Variants in TNFRSF19 observed in about 807,000 individuals in gnomAD.
TNFRSF19 encodes the protein TNF receptor superfamily member 19, also known as tumor necrosis factor receptor superfamily member 19.
Under a neutral mutation model 46.4 loss-of-function variants are expected in TNFRSF19, and 27 were observed. That is an observed-to-expected ratio of 0.58 (90% CI 0.43 to 0.80). The LOEUF (loss-of-function observed/expected upper bound fraction) is 0.80. TNFRSF19 is among the 30% of genes least tolerant of loss of function. The pLI, the probability that TNFRSF19 is intolerant of heterozygous loss-of-function variation, is 0.00. For synonymous variants in TNFRSF19, 204 were observed against 205.0 expected (o/e 1.00, Z 0.04); for missense variants, 511 against 530.8 (o/e 0.96, Z 0.37).
chr13:23,608,844 C>T (rs141743375), intron 3 of TNFRSF19, among the ~76,000 whole-genome samples: 157 of 152,328 alleles, frequency 1.0e-3, no homozygotes, highest in Non-Finnish European at 1.7e-3. Context: ...ATTGACCTAA[C>T]GCACATGCAC....
intron 1 of TNFRSF19, among the ~76,000 whole-genome samples, chr13:23,582,283 C>T (rs1377749321): frequency 1.3e-5 from 2 of 151,184 alleles, no homozygotes; most frequent in African/African-American, 4.9e-5. Flanking sequence ...CGCCTGTAGT[C>T]CCAGCTACTC....
chr13:23,632,488 C>T (rs772516084), intron 5 of TNFRSF19, among the ~76,000 whole-genome samples: 191 of 152,290 alleles, frequency 1.3e-3, no homozygotes, highest in Non-Finnish European at 2.3e-3. Context: ...GGATTCCCTC[C>T]ATTGTTCACC....
chr13:23,661,431 C>G (rs1345923274), intron 7 of TNFRSF19, among the ~76,000 whole-genome samples: 1 of 152,160 alleles, frequency 6.6e-6, no homozygotes, highest in African/African-American at 2.4e-5. Context: ...TTTTCTTTAT[C>G]CAGTCTGTAA....
At chr13:23,646,655 G>A (rs1027684132) in intron 5 of TNFRSF19, among the ~76,000 whole-genome samples, 1 of 152,192 alleles carries the variant, frequency 6.6e-6, no homozygotes, top group Non-Finnish European at 1.5e-5. Context: ...TCCACTGTAT[G>A]TCTATGCCAC....
At chr13:23,614,806 C>T (rs1036875402) in intron 3 of TNFRSF19, among the ~76,000 whole-genome samples, 3 of 145,788 alleles carry the variant, frequency 2.1e-5, no homozygotes, top group African/African-American at 5.1e-5. Flanking sequence ...GGTTATGAAG[C>T]CTGACTCTGG....
rs565037448 is a variant in TNFRSF19 at position 23,633,592 on chromosome 13, T to TA, written c.445+6802dup. Among the ~76,000 whole-genome samples the TA allele has an allele frequency of 1.1e-4, 17 of 152,218 alleles. No individual in the cohort carries two copies. The South Asian group carries it at 3.1e-3, about 28-fold the overall frequency. On this transcript the variant is annotated intron_variant, in intron 5 of 9. Transcript: ENST00000248484. ...GGCTGGGCATGGTGGCTCATGCCTGTAATCCCAGCACTTTGGGTGGCCAAG... is the reference window on the plus strand; with the variant it reads ...GGCTGGGCATGGTGGCTCATGCCTGTAAATCCCAGCACTTTGGGTGGCCAAG...
At chr13:23,660,306 G>A in intron 6 of TNFRSF19, 59 bp from the exon 7 acceptor site, 4 of 1,525,764 alleles carry the variant, frequency 2.6e-6, no homozygotes, top group East Asian at 2.4e-5. Flanking sequence ...AGCTAGAATG[G>A]CACAGGTCCA....
intron 9 of TNFRSF19, among the ~76,000 whole-genome samples, chr13:23,671,539 T>A (rs1951762121): frequency 6.6e-6 from 1 of 152,058 alleles, no homozygotes; most frequent in Admixed American, 6.6e-5. Context: ...CACTTACTAA[T>A]CTGTGAAATG....
chr13:23,575,290 G>C lies in TNFRSF19; in HGVS notation c.-35+4442G>C, dbSNP rs1877881969. On this transcript the variant is annotated intron_variant, in intron 1 of 9. Coordinates refer to ENST00000248484, the MANE Select transcript of TNFRSF19 (RefSeq NM_148957.4). ...AAGTGCTGCAACTTGTAACAACTTT[G>C]CTCTGTAAGTGTCTTGAGCTCCACT... Among the ~76,000 whole-genome samples the C allele has an allele frequency of 2.0e-5, 3 of 152,214 alleles. No homozygotes were observed. In the South Asian group the frequency reaches 6.2e-4, roughly 31 times the overall value.
intron 1 of TNFRSF19, among the ~76,000 whole-genome samples, chr13:23,582,846 T>C (rs1018553667): frequency 6.6e-6 from 1 of 152,230 alleles, no homozygotes; most frequent in Non-Finnish European, 1.5e-5. Flanking sequence ...CTGGCTTCTT[T>C]CACTCACAAT....
chr13:23,593,769 T>C (rs985212654), intron 3 of TNFRSF19, among the ~76,000 whole-genome samples: 3 of 152,186 alleles, frequency 2.0e-5, no homozygotes, highest in African/African-American at 7.2e-5. Context: ...CAACTGAAAT[T>C]CCACTGAAGA....
At chr13:23,590,097 G>C in intron 1 of TNFRSF19, 53 bp from the exon 2 acceptor site, 1 of 837,606 alleles carries the variant, frequency 1.2e-6, no homozygotes, top group Non-Finnish European at 1.9e-6. Flanking sequence ...AGTAAACAAA[G>C]CACAGTCACT....
intron 5 of TNFRSF19, among the ~76,000 whole-genome samples, chr13:23,637,788 G>A (rs1024999566): frequency 6.6e-6 from 1 of 152,256 alleles, no homozygotes; most frequent in African/African-American, 2.4e-5. Context: ...GACAGGGAAG[G>A]CAGCCTCACA....
At chr13:23,613,347 G>A (rs1436091427) in intron 3 of TNFRSF19, among the ~76,000 whole-genome samples, 1 of 152,188 alleles carries the variant, frequency 6.6e-6, no homozygotes, top group Non-Finnish European at 1.5e-5. Flanking sequence ...ACTGAGGATC[G>A]GAGAATTCCC....
intron 3 of TNFRSF19, among the ~76,000 whole-genome samples, chr13:23,611,380 C>T (rs1035737667): frequency 2.6e-5 from 4 of 152,098 alleles, no homozygotes; most frequent in South Asian, 4.1e-4. Flanking sequence ...GAAGAGGAAC[C>T]GTCAGAGGTG....
At chr13:23,578,836 G>A (rs572027449) in intron 1 of TNFRSF19, among the ~76,000 whole-genome samples, 1 of 152,356 alleles carries the variant, frequency 6.6e-6, no homozygotes, top group Admixed American at 6.5e-5. Context: ...GGGTGCGGCC[G>A]TCTCGGGGCG....
At chr13:23,634,281 G>C (rs1046091967) in intron 5 of TNFRSF19, among the ~76,000 whole-genome samples, 1 of 152,242 alleles carries the variant, frequency 6.6e-6, no homozygotes, top group Non-Finnish European at 1.5e-5. Flanking sequence ...CAAAGTCGCT[G>C]TGTGCCTGAG....
At chr13:23,590,035 A>C (rs879371107) in intron 1 of TNFRSF19, 115 bp from the exon 2 acceptor site, 38 of 443,486 alleles carry the variant, frequency 8.6e-5, no homozygotes, top group Non-Finnish European at 1.5e-4. Context: ...TTCTTTTAAA[A>C]CACAAATAAT....
At chr13:23,638,204 G>T (rs573625258) in intron 5 of TNFRSF19, among the ~76,000 whole-genome samples, 3 of 86,958 alleles carry the variant, frequency 3.4e-5, no homozygotes, top group African/African-American at 9.7e-5. Flanking sequence ...ACATCCTTGC[G>T]GGTAGGGAAG....
Sources: gnomAD v4.1 joint callset for allele counts (sites outside exome capture counted in the v4.1 genomes callset) on GRCh38, gnomAD v4.1.1 for gene constraint, MANE v1.5 for transcripts, NCBI Gene and HGNC (gene_info 2026-07-23, HGNC 2026-07-21) for gene names.